The following HAPLN3 variants were observed in gnomAD, a reference collection of about 807,000 sequenced individuals.
The protein encoded by HAPLN3 is extracellular link domain containing, 1.
In HAPLN3, 28 loss-of-function variants were observed where a neutral mutation model predicts 28.1. That is an observed-to-expected ratio of 1.00 (90% confidence interval 0.74 to 1.37). The LOEUF is 1.37. Among genes scored for constraint, HAPLN3 ranks in the 40% most tolerant of loss-of-function variants. HAPLN3 has a pLI of 0.00. For synonymous variants in HAPLN3, 211 were observed against 213.1 expected (o/e 0.99, Z 0.09); for missense variants, 513 against 504.6 (o/e 1.02, Z -0.16).
rs1189600065 is a variant in HAPLN3 at position 88,877,744 on chromosome 15, G to A, written c.*226C>T. 1.3e-5 allele frequency: 7 copies of A among 531,542 alleles called. No homozygotes were observed. The highest frequency in any genetic ancestry group is 7.4e-5 in the Admixed American group (2 of 27,078). The allele number at this position is 531,542 out of a possible 1,614,324, so 32.9% of individuals were successfully genotyped here. ...GAACCCTCCAGAAGCCCACAAAACC[G>A]CAAATGGCCCAGGGGAGCAAGCATG... On this transcript the variant is annotated 3_prime_UTR_variant, in exon 5 of 5. Coordinates refer to ENST00000359595, the MANE Select transcript of HAPLN3 (RefSeq NM_178232.4). This position sits in a 1 kb window ranked among gnomAD's most constrained non-coding sequence, Gnocchi z 5.1.
Position 88,887,219 on chromosome 15 carries a change from G to A in HAPLN3, c.80C>T (p.Ser27Phe). The A allele has an allele frequency of 6.2e-7, 1 of 1,614,162 alleles. No individual in the cohort carries two copies. The highest frequency in any genetic ancestry group is 8.5e-7 in the Non-Finnish European group (1 of 1,180,016). ...TAGGTTCTGGTCGTTGGCGCTGTTG[G>A]AGTAGTAGAAGCCGTTGTAGAAGGG... ...GLPFYNGFYY[S>F]NSANDQNLGN... Residue 27 changes from serine to phenylalanine, a missense_variant, in exon 2 of 5, where the codon TCC becomes TTC. Physicochemically the swap from Ser to Phe is radical, Grantham distance 155 (BLOSUM62 -2). Coordinates refer to ENST00000359595, the MANE Select transcript of HAPLN3 (RefSeq NM_178232.4).
chr15:88,885,339 G>C (rs1897820828), intron 2 of HAPLN3, among the ~76,000 whole-genome samples: 1 of 152,176 alleles, frequency 6.6e-6, no homozygotes, highest in Non-Finnish European at 1.5e-5. Context: ...GCAGTGGTGT[G>C]ATCTCAGCTT....
chr15:88,877,876 A>C lies in HAPLN3; in HGVS notation c.*94T>G. On this transcript the variant is annotated 3_prime_UTR_variant, in exon 5 of 5. Coordinates refer to ENST00000359595, the MANE Select transcript of HAPLN3 (RefSeq NM_178232.4). This position sits in a 1 kb window ranked among gnomAD's most constrained non-coding sequence, Gnocchi z 5.1. ...AGAAAATTTAAATTGAGAAGTATAA[A>C]AACAGTTAAAATGGCTCCAACCCAC... The C allele has an allele frequency of 8.0e-7, 1 of 1,255,840 alleles. No homozygotes were observed. The highest frequency in any genetic ancestry group is 1.1e-6 in the Non-Finnish European group (1 of 913,118). 77.8% of individuals were successfully genotyped at this position (1,255,840 alleles called of 1,614,324 possible).
At chr15:88,889,299 G>A (rs1897947710) in intron 1 of HAPLN3, among the ~76,000 whole-genome samples, 3 of 152,084 alleles carry the variant, frequency 2.0e-5, no homozygotes, top group South Asian at 2.1e-4. Context: ...CAGGGCCAGC[G>A]TCTGGATGCC....
intron 1 of HAPLN3, among the ~76,000 whole-genome samples, chr15:88,891,808 A>C (rs1898019647): frequency 6.6e-6 from 1 of 152,198 alleles, no homozygotes; most frequent in South Asian, 2.1e-4. Context: ...CACACAGCCC[A>C]GTGGCCCAGA....
At chr15:88,885,632 T>C (rs1252683014) in intron 2 of HAPLN3, among the ~76,000 whole-genome samples, 1 of 152,114 alleles carries the variant, frequency 6.6e-6, no homozygotes, top group Non-Finnish European at 1.5e-5. Context: ...TACTTTTGTA[T>C]TTTTAGTAGA....
At chr15:88,891,050 G>T (rs1463054949) in intron 1 of HAPLN3, among the ~76,000 whole-genome samples, 2 of 151,718 alleles carry the variant, frequency 1.3e-5, no homozygotes, top group African/African-American at 4.8e-5. Context: ...GCTAATTTTT[G>T]TAATTTTTTA....
chr15:88,887,404 C>G, intron 1 of HAPLN3, 59 bp from the exon 2 acceptor site: 1 of 1,459,088 alleles, frequency 6.9e-7, no homozygotes, highest in South Asian at 1.2e-5. Context: ...GCCCACATCC[C>G]CTCTGCTCCA....
chr15:88,885,944 C>T (rs532661504), intron 2 of HAPLN3, among the ~76,000 whole-genome samples: 1 of 152,252 alleles, frequency 6.6e-6, no homozygotes, highest in African/African-American at 2.4e-5. Context: ...ACTCTCTGAG[C>T]CTAGTTTGCT....
intron 1 of HAPLN3, among the ~76,000 whole-genome samples, chr15:88,893,843 G>A (rs1027590796): frequency 8.6e-5 from 13 of 151,014 alleles, no homozygotes; most frequent in African/African-American, 2.9e-4. Context: ...CAGAAGAATC[G>A]CTTGAACCCA....
Position 88,888,104 on chromosome 15 carries a change from C to A in HAPLN3, c.-47-759G>T, listed in dbSNP as rs907673010. 7.1e-6 allele frequency among the ~76,000 whole-genome samples: 1 copy of A among 140,018 alleles called. No individual in the cohort carries two copies. The highest frequency in any genetic ancestry group is 7.1e-5 in the Admixed American group (1 of 14,076). The allele number at this position is 140,018 out of a possible 152,430, so 91.9% of individuals were successfully genotyped here. A position where few individuals can be genotyped will look rare whatever the true frequency, so the allele number is the denominator to read the frequency against. On this transcript the variant is annotated intron_variant, in intron 1 of 4. Transcript: ENST00000359595. The surrounding 1 kb of genome is among the most constrained non-coding windows in gnomAD (Gnocchi z 4.1). ...AAAGATGAGTCCTGCATTGTGAACC[C>A]TTTTTTTTTTTTTTTGAGACAGAGT... is the stretch of plus-strand genomic sequence containing the variant.
At position 88,889,384 on chromosome 15, in the gene HAPLN3, G is replaced by A. The variant is rs150952139; in HGVS notation, c.-47-2039C>T. The stretch of plus-strand genomic sequence containing the variant: ...AGAATCTCACTCTGTTGTCCAAGCT[G>A]GAGTGCCGTGGCAAGATCTGAGCTC... On this transcript the variant is annotated intron_variant, in intron 1 of 4. Coordinates refer to ENST00000359595, the MANE Select transcript of HAPLN3 (RefSeq NM_178232.4). Among the ~76,000 whole-genome samples the A allele has an allele frequency of 1.1e-3, 174 of 152,248 alleles. 1 individual carries two copies. Among genetic ancestry groups the A allele is most frequent in the African/African-American group, 4.0e-3 (167 of 41,522 alleles).
At chr15:88,894,528 C>G (rs1385111326) in intron 1 of HAPLN3, among the ~76,000 whole-genome samples, 2 of 152,218 alleles carry the variant, frequency 1.3e-5, no homozygotes, top group Admixed American at 1.3e-4. Flanking sequence ...TTGCACAAGG[C>G]TTGATCTCCG....
At chr15:88,894,093 T>A (rs939872345) in intron 1 of HAPLN3, among the ~76,000 whole-genome samples, 1 of 152,128 alleles carries the variant, frequency 6.6e-6, no homozygotes, top group Non-Finnish European at 1.5e-5. Flanking sequence ...ACTACTCTGG[T>A]GAGCAGTTCA....
rs751461381 is a variant in HAPLN3 at position 88,879,045 on chromosome 15, G to C, written c.718C>G (p.Pro240Ala). ...CGGGGGCCGTAGCTTCGCACGCCAG[G>C]TGCCAGGCCCGGGCCACCGCAGGGC... Reference protein sequence around the residue: ...RQPCGGPGLAPGVRSYGPRHR... With the variant: ...RQPCGGPGLAAGVRSYGPRHR... Residue 240 changes from proline to alanine, a missense_variant, in exon 4 of 5, where the codon CCT becomes GCT. Coordinates refer to ENST00000359595, the MANE Select transcript of HAPLN3 (RefSeq NM_178232.4). This position sits in a 1 kb window ranked among gnomAD's most constrained non-coding sequence, Gnocchi z 5.0. 6.2e-7 allele frequency: 1 copy of C among 1,607,362 alleles called. No homozygotes were observed. Among genetic ancestry groups the C allele is most frequent in the South Asian group, 1.1e-5 (1 of 90,306 alleles).
At position 88,892,891 on chromosome 15, in the gene HAPLN3, T is replaced by C. The variant is rs990738913; in HGVS notation, c.-48+2568A>G. On this transcript the variant is annotated intron_variant, in intron 1 of 4. Transcript: ENST00000359595. ...ATGGGTAGCCTCTGCTCCCCTACCATGGCTATCCAGCCACCAACTCCTCAG... is the reference window on the plus strand; with the variant it reads ...ATGGGTAGCCTCTGCTCCCCTACCACGGCTATCCAGCCACCAACTCCTCAG... 12 of 1,445,686 alleles carry C rather than the reference T, an allele frequency of 8.3e-6. No individual in the cohort carries two copies. In the African/African-American group the frequency reaches 9.9e-5, roughly 12 times the overall value. 89.6% of individuals were successfully genotyped at this position (1,445,686 alleles called of 1,614,324 possible). A position where few individuals can be genotyped will look rare whatever the true frequency, so the allele number is the denominator to read the frequency against.
Position 88,881,288 on chromosome 15 carries a change from A to T in HAPLN3, c.493+69T>A. The stretch of plus-strand genomic sequence containing the variant: ...AAATGTCTAAAGCACAGAGGTCTGG[A>T]TGTTTTCTCTGGTCCTCTCCCCTCT... On this transcript the variant is annotated intron_variant, in intron 3 of 4. Transcript: ENST00000359595. The surrounding 1 kb of genome is among the most constrained non-coding windows in gnomAD (Gnocchi z 6.0). 1 of 1,522,920 alleles carries T rather than the reference A, an allele frequency of 6.6e-7. No individual in the cohort carries two copies. The highest frequency in any genetic ancestry group is 1.4e-5 in the African/African-American group (1 of 72,666). The allele number at this position is 1,522,920 out of a possible 1,614,324, so 94.3% of individuals were successfully genotyped here. A position where few individuals can be genotyped will look rare whatever the true frequency, so the allele number is the denominator to read the frequency against.
rs1246130685 is a variant in HAPLN3 at position 88,888,669 on chromosome 15, A to G, written c.-47-1324T>C. ...CTCTCAACAATTAAAAGATGGGGTC[A>G]CTCCTTGAAGGAGCTTGGTCCAGGG... On this transcript the variant is annotated intron_variant, in intron 1 of 4. Transcript: ENST00000359595. This position sits in a 1 kb window ranked among gnomAD's most constrained non-coding sequence, Gnocchi z 4.1. Among the ~76,000 whole-genome samples, 1 of 152,008 alleles carries G rather than the reference A, an allele frequency of 6.6e-6. No homozygotes were observed. Among genetic ancestry groups the G allele is most frequent in the East Asian group, 1.9e-4 (1 of 5,178 alleles).
At chr15:88,893,912 G>A (rs1256296546) in intron 1 of HAPLN3, among the ~76,000 whole-genome samples, 2 of 134,754 alleles carry the variant, frequency 1.5e-5, no homozygotes, top group Non-Finnish European at 3.1e-5. Context: ...TGGGCAAGAA[G>A]AGTGAGACTC....
Sources: allele counts gnomAD v4.1 joint callset (sites outside exome capture counted in the v4.1 genomes callset), GRCh38; gene constraint gnomAD v4.1.1; non-coding constraint Gnocchi (gnomAD v3.1); transcripts MANE v1.5; gene names NCBI Gene and HGNC (gene_info 2026-07-23, HGNC 2026-07-21).